Variants in ARHGAP26 observed in about 807,000 individuals in gnomAD.
ARHGAP26 encodes the protein Rho GTPase activating protein 26, also known as rho GTPase-activating protein 26.
ARHGAP26 carries 38 observed loss-of-function variants against 104.8 expected under a neutral mutation model. That is an observed-to-expected ratio of 0.36 (90% CI 0.28 to 0.48). ARHGAP26 has a LOEUF of 0.48. ARHGAP26 is among the 20% of genes least tolerant of loss of function. ARHGAP26 has a pLI of 0.99. For missense variants in ARHGAP26, 704 were observed against 947.9 expected (o/e 0.74, Z 3.38); for synonymous variants, 341 against 340.0 (o/e 1.00, Z -0.03).
At chr5:143,059,198 G>C (rs1469222796) in intron 17 of ARHGAP26, among the ~76,000 whole-genome samples, 1 of 152,192 alleles carries the variant, frequency 6.6e-6, no homozygotes, top group African/African-American at 2.4e-5. Flanking sequence ...GCACCCTCCA[G>C]CCTAGCATGT....
At chr5:143,048,284 G>A (rs557476010) in intron 14 of ARHGAP26, among the ~76,000 whole-genome samples, 8 of 151,910 alleles carry the variant, frequency 5.3e-5, no homozygotes, top group African/African-American at 1.9e-4. Context: ...TTATTGAGAT[G>A]GGGTCTCACT....
At chr5:143,118,341 A>C (rs1795738742) in intron 17 of ARHGAP26, among the ~76,000 whole-genome samples, 1 of 152,058 alleles carries the variant, frequency 6.6e-6, no homozygotes, top group Admixed American at 6.5e-5. Context: ...CTTTTTTTTG[A>C]AGATGAGGAA....
intron 20 of ARHGAP26, among the ~76,000 whole-genome samples, chr5:143,174,283 G>A (rs1488481090): frequency 1.3e-5 from 2 of 152,302 alleles, no homozygotes; most frequent in East Asian, 3.9e-4. Flanking sequence ...AGAACGAGGA[G>A]GCAACTTTTC....
At chr5:143,038,718 A>T (rs111662577) in intron 13 of ARHGAP26, among the ~76,000 whole-genome samples, 3,785 of 79,088 alleles carry the variant, frequency 0.048, 94 homozygotes, top group Middle Eastern at 0.1. Context: ...TTTTTTTGAG[A>T]CAGAGTCTCT....
chr5:143,078,310 G>A (rs1311500786), intron 17 of ARHGAP26, among the ~76,000 whole-genome samples: 3 of 152,176 alleles, frequency 2.0e-5, no homozygotes, highest in Admixed American at 6.5e-5. Context: ...CAACCATCCC[G>A]AGAGTGAGTG....
intron 20 of ARHGAP26, among the ~76,000 whole-genome samples, chr5:143,172,263 C>G (rs771986403): frequency 1.3e-5 from 2 of 151,324 alleles, no homozygotes; most frequent in African/African-American, 4.9e-5. Flanking sequence ...TGGTTGATAA[C>G]CAAATAAAAT....
intron 16 of ARHGAP26, among the ~76,000 whole-genome samples, chr5:143,056,811 T>G (rs1785893008): frequency 6.6e-6 from 1 of 152,198 alleles, no homozygotes; most frequent in Admixed American, 6.5e-5. Flanking sequence ...ATTTATTTAC[T>G]CTGGTAGCTA....
chr5:142,900,847 G>A (rs1413304739), intron 6 of ARHGAP26, among the ~76,000 whole-genome samples: 1 of 152,172 alleles, frequency 6.6e-6, no homozygotes, highest in Non-Finnish European at 1.5e-5. Flanking sequence ...GGTATGGCAG[G>A]TCAGGGAGGT....
intron 2 of ARHGAP26, among the ~76,000 whole-genome samples, chr5:142,874,288 A>G (rs748094967): frequency 6.6e-6 from 1 of 152,198 alleles, no homozygotes; most frequent in Non-Finnish European, 1.5e-5. Flanking sequence ...ATTGCACACT[A>G]TTCTTCTATA....
intron 19 of ARHGAP26, among the ~76,000 whole-genome samples, chr5:143,142,438 C>T (rs1348147722): frequency 2.0e-5 from 3 of 152,040 alleles, no homozygotes. Context: ...CTGCGCCCGG[C>T]CTACTTTTCA....
chr5:143,052,900 C>G (rs1285977421), intron 14 of ARHGAP26, among the ~76,000 whole-genome samples: 2 of 152,192 alleles, frequency 1.3e-5, no homozygotes, highest in Non-Finnish European at 2.9e-5. Flanking sequence ...GGAGACTCTT[C>G]AGAAAGATGC....
At chr5:143,078,422 C>A (rs996786308) in intron 17 of ARHGAP26, among the ~76,000 whole-genome samples, 10 of 152,140 alleles carry the variant, frequency 6.6e-5, no homozygotes, top group African/African-American at 2.4e-4. Flanking sequence ...TGGTCAGTAT[C>A]CAGACCTGAG....
At chr5:143,194,875 G>C (rs1806556484) in intron 20 of ARHGAP26, among the ~76,000 whole-genome samples, 1 of 146,634 alleles carries the variant, frequency 6.8e-6, no homozygotes, top group Non-Finnish European at 1.5e-5. Context: ...ATGGCAGCCT[G>C]CGCCAGCCAT....
At chr5:143,074,880 C>A (rs1443093143) in intron 17 of ARHGAP26, among the ~76,000 whole-genome samples, 1 of 152,206 alleles carries the variant, frequency 6.6e-6, no homozygotes, top group Non-Finnish European at 1.5e-5. Context: ...GGACATGACA[C>A]CTTCTCTGTT....
chr5:143,017,272 G>C (rs1442871746), intron 12 of ARHGAP26, among the ~76,000 whole-genome samples: 2 of 152,344 alleles, frequency 1.3e-5, no homozygotes, highest in Admixed American at 1.3e-4. Context: ...TTCTCTCAGG[G>C]CATACGGTGC....
intron 1 of ARHGAP26, among the ~76,000 whole-genome samples, chr5:142,847,154 A>G (rs1252773150): frequency 1.3e-5 from 2 of 152,164 alleles, no homozygotes; most frequent in East Asian, 1.9e-4. Context: ...TGCCTGTCTC[A>G]TGGGATTTTG....
chr5:143,083,022 A>G (rs1306885742), intron 17 of ARHGAP26, among the ~76,000 whole-genome samples: 2 of 152,160 alleles, frequency 1.3e-5, no homozygotes, highest in Non-Finnish European at 2.9e-5. Flanking sequence ...GCTGGACCAT[A>G]TCGATGAGTT....
At chr5:143,001,884 G>A (rs1490038454) in intron 11 of ARHGAP26, among the ~76,000 whole-genome samples, 1 of 152,206 alleles carries the variant, frequency 6.6e-6, no homozygotes, top group Non-Finnish European at 1.5e-5. Flanking sequence ...TTGGCATCAA[G>A]ATTATTTTTG....
intron 8 of ARHGAP26, among the ~76,000 whole-genome samples, chr5:142,904,027 T>G (rs1229817211): frequency 6.6e-6 from 1 of 152,104 alleles, no homozygotes; most frequent in Non-Finnish European, 1.5e-5. Context: ...CTGTTATCTA[T>G]CAGCAGTGTA....
Sources: gnomAD v4.1 joint callset for allele counts (sites outside exome capture counted in the v4.1 genomes callset) on GRCh38, gnomAD v4.1.1 for gene constraint, MANE v1.5 for transcripts, NCBI Gene and HGNC (gene_info 2026-07-23, HGNC 2026-07-21) for gene names.